The following TM2D3 variants were observed in gnomAD, a reference collection of about 807,000 sequenced individuals.
TM2D3 encodes TM2 domain containing 3.
Under a neutral mutation model 27.3 loss-of-function variants are expected in TM2D3, and 33 were observed. That is an observed-to-expected ratio of 1.21 (90% confidence interval 0.92 to 1.61). The LOEUF is 1.61. TM2D3 is among the 40% of genes most tolerant of loss of function. TM2D3 has a pLI of 0.00. For synonymous variants in TM2D3, 138 were observed against 122.2 expected (o/e 1.13, Z -0.85); for missense variants, 364 against 320.8 (o/e 1.13, Z -1.03).
At chr15:101,646,352 T>C (rs976381807) in intron 4 of TM2D3, 1 of 109,582 alleles carries the variant, frequency 9.1e-6, no homozygotes, top group African/African-American at 3.7e-5. Flanking sequence ...AAATAAAAAA[T>C]TCAAAAGGGT....
chr15:101,647,222 C>T (rs1239286225), intron 3 of TM2D3, among the ~76,000 whole-genome samples: 4 of 152,144 alleles, frequency 2.6e-5, no homozygotes, highest in East Asian at 3.9e-4. Flanking sequence ...TCATAGTAAA[C>T]GTATACTTTT....
intron 4 of TM2D3, chr15:101,633,845 A>T: frequency 1.2e-6 from 1 of 834,064 alleles, no homozygotes; most frequent in Non-Finnish European, 1.8e-6. Context: ...GACATTCACA[A>T]CTTGATTGAG....
chr15:101,649,797 GTTATCA>G (rs1202548294), intron 3 of TM2D3, among the ~76,000 whole-genome samples: 3 of 152,188 alleles, frequency 2.0e-5, no homozygotes, highest in Non-Finnish European at 2.9e-5. Context: ...TGGCTTGACA[GTTATCA>G]TTATAACTAA....
At chr15:101,643,996 T>C (rs1238930022) in intron 5 of TM2D3, among the ~76,000 whole-genome samples, 1 of 151,954 alleles carries the variant, frequency 6.6e-6, no homozygotes, top group African/African-American at 2.4e-5. Context: ...ACCACAGACA[T>C]GAACCACGAT....
chr15:101,648,756 C>T (rs1896886852), intron 3 of TM2D3, among the ~76,000 whole-genome samples: 2 of 152,238 alleles, frequency 1.3e-5, no homozygotes, highest in African/African-American at 4.8e-5. Context: ...TATTCTATTA[C>T]ACGTGTACCA....
At chr15:101,636,980 G>T, downstream of TM2D3, 1 of 384,636 alleles carries the variant, frequency 2.6e-6, no homozygotes, top group South Asian at 1.9e-5. Flanking sequence ...ATATGAGTGA[G>T]GCACAGTATC....
rs190260926 is a variant in TM2D3, at chr15:101,651,474, G to A, written c.169+222C>T. On this transcript the variant is annotated intron_variant, in intron 2 of 5. Transcript: ENST00000333202. ...TAGAAATAAGGTGACAAATGAGCGT[G>A]GGATTGGAAAAAGAGAGGAGGCAGA... 11 of 490,100 alleles carry A rather than the reference G, an allele frequency of 2.2e-5. No individual in the cohort carries two copies. The Admixed American group carries it at 3.7e-4, about 17-fold the overall frequency. 30.4% of individuals were successfully genotyped at this position (490,100 alleles called of 1,614,324 possible). A position where few individuals can be genotyped will look rare whatever the true frequency, so the allele number is the denominator to read the frequency against.
In TM2D3 at chr15:101,647,936, C is replaced by G. The variant is rs557654925; in HGVS notation, c.328-1037G>C. On this transcript the variant is annotated intron_variant, in intron 3 of 5. Coordinates refer to ENST00000333202, the MANE Select transcript of TM2D3 (RefSeq NM_078474.3). The stretch of plus-strand genomic sequence containing the variant: ...TTTTTGAGATGGAGTCTCGCTCTGT[C>G]GCCCAGGCTGGAATGCGGTGGTGCA... Among the ~76,000 whole-genome samples the G allele has an allele frequency of 1.8e-3, 268 of 152,012 alleles. 1 individual carries two copies. Among genetic ancestry groups the G allele is most frequent in the African/African-American group, 5.0e-3 (208 of 41,442 alleles).
At chr15:101,645,258 A>T (rs1896775604) in intron 4 of TM2D3, 96 bp from the exon 5 acceptor site, 1 of 1,035,372 alleles carries the variant, frequency 9.7e-7, no homozygotes, top group African/African-American at 1.6e-5. Context: ...AAATGTGAAA[A>T]GTCAACTCTC....
intron 2 of TM2D3, 65 bp downstream of exon 2, chr15:101,651,631 T>C: frequency 6.7e-7 from 1 of 1,489,940 alleles, no homozygotes; most frequent in Non-Finnish European, 9.2e-7. Context: ...GGAATTTTTA[T>C]AAAAACAAAG....
At chr15:101,651,431 G>A (rs185382243) in intron 2 of TM2D3, 1 of 422,994 alleles carries the variant, frequency 2.4e-6, no homozygotes, top group Non-Finnish European at 4.3e-6. Flanking sequence ...TATTTTGATG[G>A]ATGAAGTGGA....
downstream of TM2D3, among the ~76,000 whole-genome samples, chr15:101,638,893 T>G (rs141752242): frequency 6.6e-6 from 1 of 152,144 alleles, no homozygotes; most frequent in Non-Finnish European, 1.5e-5. Flanking sequence ...TTTTAGGTGT[T>G]TAGCTTACTC....
At position 101,642,392 on chromosome 15, in the gene TM2D3, T is replaced by A. The variant is rs772270835; in HGVS notation, c.*87A>T. ...GTACAGATGCTGTACATTAAAAACATAGAAATATATCACTCACACCACATC... is the reference window on the plus strand; with the variant it reads ...GTACAGATGCTGTACATTAAAAACAAAGAAATATATCACTCACACCACATC... On this transcript the variant is annotated 3_prime_UTR_variant, in exon 6 of 6. Coordinates refer to ENST00000333202, the MANE Select transcript of TM2D3 (RefSeq NM_078474.3). The A allele has an allele frequency of 7.1e-7, 1 of 1,412,766 alleles. No individual in the cohort carries two copies. Among genetic ancestry groups the A allele is most frequent in the Non-Finnish European group, 9.3e-7 (1 of 1,076,694 alleles). The allele number at this position is 1,412,766 out of a possible 1,614,324, so 87.5% of individuals were successfully genotyped here. A position where few individuals can be genotyped will look rare whatever the true frequency, so the allele number is the denominator to read the frequency against.
chr15:101,646,666 C>T (rs1161762858), intron 4 of TM2D3, 59 bp downstream of exon 4: 3 of 1,598,836 alleles, frequency 1.9e-6, no homozygotes, highest in Non-Finnish European at 2.6e-6. Context: ...GGTTAAAGTC[C>T]CTTCAATAAA....
chr15:101,652,264 G>A lies in TM2D3; in HGVS notation c.91+7C>T, dbSNP rs758515637. On this transcript the variant is annotated splice_region_variant and intron_variant, in intron 1 of 5. Transcript: ENST00000333202. Reference sequence around the variant, plus strand: ...CCACCCGGCGCTGAACCCAGCCTTTGACTCACCACCGCCCGACAGAATGCA... The same window carrying A: ...CCACCCGGCGCTGAACCCAGCCTTTAACTCACCACCGCCCGACAGAATGCA... 33 of 1,604,148 alleles carry A rather than the reference G, an allele frequency of 2.1e-5. No homozygotes were observed. The highest frequency in any genetic ancestry group is 1.4e-5 in the African/African-American group (1 of 73,024).
At chr15:101,651,324 CCA>C (rs1473448450) in intron 2 of TM2D3, 1 of 187,632 alleles carries the variant, frequency 5.3e-6, no homozygotes, top group Non-Finnish European at 1.1e-5. Context: ...CCTTCCATTT[CCA>C]CAGTCCTGAG....
chr15:101,646,771 C>G lies in TM2D3; in HGVS notation c.456G>C (p.Gln152His). The G allele has an allele frequency of 6.2e-7, 1 of 1,614,208 alleles. No individual in the cohort carries two copies. The highest frequency in any genetic ancestry group is 8.5e-7 in the Non-Finnish European group (1 of 1,180,032). Residue 152 changes from glutamine to histidine, a missense_variant, in exon 4 of 6, where the codon CAG (glutamine) becomes CAC (histidine). Gln to His is a conservative substitution (Grantham distance 24). Transcript: ENST00000333202. ...GCACCGTGCAGTTGGCAGGGTAGCG[C>G]TGCCGAGGACAGGACACCGTCATGC... The part of the protein sequence containing the change: ...TSCMTVSCPR[Q>H]RYPANCTVRD...
intron 3 of TM2D3, among the ~76,000 whole-genome samples, chr15:101,649,626 A>G (rs939521474): frequency 6.6e-6 from 1 of 152,226 alleles, no homozygotes; most frequent in African/African-American, 2.4e-5. Context: ...CATCTATGGC[A>G]GAAAGACACT....
At chr15:101,637,900 C>T (rs766880668), downstream of TM2D3, among the ~76,000 whole-genome samples, 14 of 152,176 alleles carry the variant, frequency 9.2e-5, 1 homozygote, top group African/African-American at 1.9e-4. Context: ...GTTTTCTCTT[C>T]GAGCATTTTG....
Sources: gnomAD v4.1 joint callset for allele counts (sites outside exome capture counted in the v4.1 genomes callset) on GRCh38, gnomAD v4.1.1 for gene constraint, MANE v1.5 for transcripts, NCBI Gene and HGNC (gene_info 2026-07-23, HGNC 2026-07-21) for gene names.